CPNE4: variants seen among roughly 807,000 people sequenced by gnomAD.
The protein encoded by CPNE4 is copine 4, also known as copine-4.
A neutral mutation model predicts 67.9 loss-of-function variants in CPNE4; 25 were observed. The ratio of observed to expected loss-of-function variants is 0.37; its 90% confidence interval spans 0.27 to 0.51. CPNE4 has a LOEUF of 0.51. CPNE4 is among the 20% of genes least tolerant of loss of function. The pLI is 0.93. For synonymous variants in CPNE4, 242 were observed against 244.9 expected (o/e 0.99, Z 0.11); for missense variants, 464 against 690.8 (o/e 0.67, Z 3.68).
At chr3:131,816,136 C>A (rs1016974666) in intron 2 of CPNE4, among the ~76,000 whole-genome samples, 4 of 152,098 alleles carry the variant, frequency 2.6e-5, no homozygotes, top group African/African-American at 7.2e-5. Context: ...GAAAAAGATC[C>A]TAAAACCCAC....
Position 131,949,640 on chromosome 3 carries a change from T to A in CPNE4, c.-1-44196A>T, listed in dbSNP as rs577615452. On this transcript the variant is annotated intron_variant, in intron 1 of 15. Transcript: ENST00000429747. ...TGCTACTACTATTTAATAAATTCAATAAGTTCTACCTTATGAAATAAGAAG... is the reference window on the plus strand; with the variant it reads ...TGCTACTACTATTTAATAAATTCAAAAAGTTCTACCTTATGAAATAAGAAG... Among the ~76,000 whole-genome samples the A allele has an allele frequency of 3.9e-5, 6 of 152,316 alleles. No individual in the cohort carries two copies. The South Asian group carries it at 1.2e-3, about 32-fold the overall frequency.
chr3:131,843,632 T>G (rs2085881636), intron 2 of CPNE4, among the ~76,000 whole-genome samples: 1 of 152,190 alleles, frequency 6.6e-6, no homozygotes, highest in African/African-American at 2.4e-5. Flanking sequence ...TCTAGATTGT[T>G]GTTTGAAATT....
intron 2 of CPNE4, among the ~76,000 whole-genome samples, chr3:131,757,281 T>C (rs1279726874): frequency 6.6e-6 from 1 of 152,182 alleles, no homozygotes; most frequent in South Asian, 2.1e-4. Context: ...AAAATGCTGA[T>C]AGCGATATAG....
At chr3:131,805,278 T>C (rs1043975398) in intron 2 of CPNE4, among the ~76,000 whole-genome samples, 1 of 152,194 alleles carries the variant, frequency 6.6e-6, no homozygotes, top group African/African-American at 2.4e-5. Context: ...ATTTTGCAGA[T>C]GTATGAGATA....
chr3:131,603,536 T>C (rs1939327824), intron 7 of CPNE4, among the ~76,000 whole-genome samples: 1 of 152,118 alleles, frequency 6.6e-6, no homozygotes, highest in South Asian at 2.1e-4. Flanking sequence ...TAGGAAGTGA[T>C]ATAGAAATCC....
chr3:132,024,094 T>C (rs2074064339), intron 1 of CPNE4, among the ~76,000 whole-genome samples: 1 of 151,520 alleles, frequency 6.6e-6, no homozygotes, highest in African/African-American at 2.4e-5. Context: ...TTTTTTTTTT[T>C]TTTTTTTGAG....
In CPNE4 at chr3:131,815,301, T is replaced by G. The variant is rs76250485; in HGVS notation, c.180+89963A>C. The stretch of plus-strand genomic sequence containing the variant: ...GAAAAAGAAAGCATTCTCAAATACT[T>G]TTTACTTGAGAAGATGGGAAAAAAA... On this transcript the variant is annotated intron_variant, in intron 2 of 15. Coordinates refer to ENST00000429747, the MANE Select transcript of CPNE4 (RefSeq NM_130808.3). Among the ~76,000 whole-genome samples the G allele has an allele frequency of 2.3e-4, 35 of 152,274 alleles. No individual in the cohort carries two copies. In the East Asian group the frequency reaches 6.6e-3, roughly 29 times the overall value.
chr3:131,830,297 C>T (rs1033895423), intron 2 of CPNE4, among the ~76,000 whole-genome samples: 1 of 152,188 alleles, frequency 6.6e-6, no homozygotes, highest in Non-Finnish European at 1.5e-5. Flanking sequence ...TTACTCTCAT[C>T]TCTTGCCTGT....
intron 3 of CPNE4, among the ~76,000 whole-genome samples, chr3:131,719,840 G>A (rs1166866386): frequency 2.0e-5 from 3 of 152,186 alleles, no homozygotes; most frequent in African/African-American, 4.8e-5. Context: ...TTCTTCATGC[G>A]TGTCTCTTGT....
intron 1 of CPNE4, among the ~76,000 whole-genome samples, chr3:131,949,708 C>T (rs1287608645): frequency 6.6e-6 from 1 of 152,052 alleles, no homozygotes; most frequent in Admixed American, 6.6e-5. Context: ...GGAAGCATTC[C>T]CTGACCATCC....
chr3:131,729,584 T>G (rs1391724358), intron 2 of CPNE4, among the ~76,000 whole-genome samples: 1 of 152,220 alleles, frequency 6.6e-6, no homozygotes, highest in Non-Finnish European at 1.5e-5. Flanking sequence ...CAGAGAGAGA[T>G]AGGTTGGTGC....
At chr3:132,012,746 C>T (rs1326720920) in intron 1 of CPNE4, among the ~76,000 whole-genome samples, 1 of 152,100 alleles carries the variant, frequency 6.6e-6, no homozygotes, top group Non-Finnish European at 1.5e-5. Context: ...AGGGACTTAC[C>T]TGGAGCATGG....
rs1193861965 is a variant in CPNE4 at position 131,717,926 on chromosome 3, CT to C, written c.360+5519del. ...TCTTTCTTTCTTTCTTTCTTTCTTTCTTTCTTTCTTTCTTTCTTTTCTTTCT... is the reference window on the plus strand; with the variant it reads ...TCTTTCTTTCTTTCTTTCTTTCTTTCTTCTTTCTTTCTTTCTTTTCTTTCT... On this transcript the variant is annotated intron_variant, in intron 3 of 15. Coordinates refer to ENST00000429747, the MANE Select transcript of CPNE4 (RefSeq NM_130808.3). Among the ~76,000 whole-genome samples the C allele has an allele frequency of 4.3e-4, 56 of 131,470 alleles. 1 individual carries two copies. Among genetic ancestry groups the C allele is most frequent in the Non-Finnish European group, 1.3e-4 (8 of 60,590 alleles). 86.2% of individuals were successfully genotyped at this position (131,470 alleles called of 152,430 possible).
chr3:131,706,850 C>T (rs2081426038), intron 3 of CPNE4, among the ~76,000 whole-genome samples: 1 of 152,172 alleles, frequency 6.6e-6, no homozygotes. Context: ...AACCCACTGC[C>T]AACCAGAAAA....
At chr3:131,788,189 A>T (rs759653442) in intron 2 of CPNE4, among the ~76,000 whole-genome samples, 5 of 152,068 alleles carry the variant, frequency 3.3e-5, no homozygotes, top group Non-Finnish European at 7.4e-5. Context: ...AAATCTGCTC[A>T]AATTTAAAGA....
At chr3:131,568,303 C>T (rs946026986) in intron 10 of CPNE4, among the ~76,000 whole-genome samples, 16 of 151,872 alleles carry the variant, frequency 1.1e-4, no homozygotes, top group East Asian at 1.9e-4. Context: ...TCTCTGTGCT[C>T]TTTAAAGTTA....
chr3:131,722,450 C>CA (rs1553759823), intron 3 of CPNE4, among the ~76,000 whole-genome samples: 95 of 151,726 alleles, frequency 6.3e-4, no homozygotes, highest in Non-Finnish European at 1.3e-3. Context: ...CATACCCCCC[C>CA]ACGTTTGTTC....
At chr3:131,863,958 AG>A (rs2086811145) in intron 2 of CPNE4, among the ~76,000 whole-genome samples, 1 of 152,230 alleles carries the variant, frequency 6.6e-6, no homozygotes, top group Non-Finnish European at 1.5e-5. Flanking sequence ...TTTATTAAAT[AG>A]GGAATCCTTT....
At chr3:131,690,728 A>C (rs2081014922) in intron 5 of CPNE4, among the ~76,000 whole-genome samples, 1 of 68,764 alleles carries the variant, frequency 1.5e-5, no homozygotes, top group Admixed American at 1.1e-4. Context: ...GCTTCTGCAC[A>C]GTTAAAAAAA....
Sources: allele counts gnomAD v4.1 joint callset (sites outside exome capture counted in the v4.1 genomes callset), GRCh38; gene constraint gnomAD v4.1.1; transcripts MANE v1.5; gene names NCBI Gene and HGNC (gene_info 2026-07-23, HGNC 2026-07-21).